The following COL21A1 variants were observed in gnomAD, a reference collection of about 807,000 sequenced individuals.
The protein encoded by COL21A1 is collagen alpha-1(XXI) chain.
Under a neutral mutation model 137.9 loss-of-function variants are expected in COL21A1, and 149 were observed. The observed-to-expected ratio is 1.08, with a 90% CI of 0.95 to 1.24. COL21A1 has a LOEUF of 1.24. Among genes scored for constraint, COL21A1 ranks in the 50% most tolerant of loss-of-function variants. COL21A1 has a pLI of 0.00. For missense variants in COL21A1, 1,167 were observed against 1,158.4 expected (o/e 1.01, Z -0.11); for synonymous variants, 456 against 391.5 (o/e 1.16, Z -1.95).
intron 1 of COL21A1, among the ~76,000 whole-genome samples, chr6:56,361,477 T>G (rs1765962780): frequency 3.9e-5 from 6 of 152,196 alleles, no homozygotes; most frequent in Admixed American, 3.9e-4. Context: ...TTTTTCATCC[T>G]TATAATCCAT....
At chr6:56,239,703 C>T (rs1782149013) in intron 1 of COL21A1, among the ~76,000 whole-genome samples, 1 of 152,118 alleles carries the variant, frequency 6.6e-6, no homozygotes, top group Non-Finnish European at 1.5e-5. Flanking sequence ...TTATTACTCA[C>T]CATTCACAGT....
chr6:56,146,558 AG>A (rs1774851359), intron 10 of COL21A1, among the ~76,000 whole-genome samples: 1 of 152,146 alleles, frequency 6.6e-6, no homozygotes, highest in African/African-American at 2.4e-5. Flanking sequence ...ACCTGAGCTA[AG>A]TGCTATGAAA....
intron 1 of COL21A1, among the ~76,000 whole-genome samples, chr6:56,386,149 A>G (rs1474492185): frequency 1.3e-5 from 2 of 152,088 alleles, no homozygotes; most frequent in African/African-American, 2.4e-5. Context: ...GAGTTTTACC[A>G]TGTTAGCCTG....
At chr6:56,364,990 C>T (rs1296185030) in intron 1 of COL21A1, among the ~76,000 whole-genome samples, 4 of 152,068 alleles carry the variant, frequency 2.6e-5, no homozygotes, top group Non-Finnish European at 4.4e-5. Flanking sequence ...CCCCAAGAGA[C>T]GACTCTGGGA....
At chr6:56,384,302 G>A (rs1365994778) in intron 1 of COL21A1, among the ~76,000 whole-genome samples, 1 of 152,124 alleles carries the variant, frequency 6.6e-6, no homozygotes, top group East Asian at 1.9e-4. Context: ...CAATTGCACA[G>A]GCCTTGACCA....
At chr6:56,380,501 T>A (rs2094007050) in intron 1 of COL21A1, among the ~76,000 whole-genome samples, 1 of 152,192 alleles carries the variant, frequency 6.6e-6, no homozygotes, top group African/African-American at 2.4e-5. Context: ...TTTGCAAATC[T>A]ACTCAATAAA....
At chr6:56,129,738 G>C (rs1421286353) in intron 12 of COL21A1, among the ~76,000 whole-genome samples, 1 of 150,292 alleles carries the variant, frequency 6.7e-6, no homozygotes, top group East Asian at 2.0e-4. Flanking sequence ...CAGACAGAAA[G>C]ATAGGTAGGG....
intron 17 of COL21A1, among the ~76,000 whole-genome samples, chr6:56,087,735 T>C (rs1315027229): frequency 6.6e-6 from 1 of 152,186 alleles, no homozygotes; most frequent in Non-Finnish European, 1.5e-5. Flanking sequence ...CTTTCCTGAC[T>C]TAAATCCTGG....
intron 24 of COL21A1, among the ~76,000 whole-genome samples, 160 bp from the exon 25 acceptor site, chr6:56,061,841 AAGGCT>A (rs1402163181): frequency 6.6e-6 from 1 of 152,108 alleles, no homozygotes; most frequent in African/African-American, 2.4e-5. Flanking sequence ...CCTTTTAGAG[AAGGCT>A]AATGACTAGG....
rs377522119 is a variant in COL21A1, at chr6:56,156,958, G to C, written c.1372-9C>G. ...GGCAGTCCAGGGTCACCCTAAGCAGGAAGCAAACAAACTTTTGAGTACAAA... is the reference window on the plus strand; with the variant it reads ...GGCAGTCCAGGGTCACCCTAAGCAGCAAGCAAACAAACTTTTGAGTACAAA... On this transcript the variant is annotated splice_polypyrimidine_tract_variant and intron_variant, in intron 9 of 29. Coordinates refer to ENST00000244728, the MANE Select transcript of COL21A1 (RefSeq NM_030820.4). 1.1e-5 allele frequency: 18 copies of C among 1,607,346 alleles called. 1 individual carries two copies. Among genetic ancestry groups the C allele is most frequent in the Middle Eastern group, 1.7e-4 (1 of 6,050 alleles).
chr6:56,196,164 C>T (rs1779011143), intron 1 of COL21A1, among the ~76,000 whole-genome samples: 1 of 152,096 alleles, frequency 6.6e-6, no homozygotes, highest in South Asian at 2.1e-4. Flanking sequence ...TGACAAAATT[C>T]TCCATCATTT....
intron 1 of COL21A1, among the ~76,000 whole-genome samples, chr6:56,389,093 T>C (rs1359823515): frequency 6.6e-6 from 1 of 152,184 alleles, no homozygotes; most frequent in Non-Finnish European, 1.5e-5. Context: ...CTGGGCGTGG[T>C]GGCTCATGCC....
intron 17 of COL21A1, among the ~76,000 whole-genome samples, chr6:56,090,271 A>C (rs1230350421): frequency 1.3e-5 from 2 of 152,204 alleles, no homozygotes; most frequent in Non-Finnish European, 2.9e-5. Flanking sequence ...ACACAAAAAA[A>C]TGATCAGTGC....
intron 6 of COL21A1, among the ~76,000 whole-genome samples, chr6:56,167,891 T>G (rs897898846): frequency 6.6e-6 from 1 of 152,168 alleles, no homozygotes; most frequent in Non-Finnish European, 1.5e-5. Flanking sequence ...AATTCTATCC[T>G]GAACCCAGGG....
chr6:56,179,096 A>G (rs1777703949), intron 3 of COL21A1, among the ~76,000 whole-genome samples: 1 of 152,202 alleles, frequency 6.6e-6, no homozygotes, highest in South Asian at 2.1e-4. Context: ...AGAGTATATC[A>G]TACAAAAATA....
chr6:56,178,205 G>A (rs971061559), intron 3 of COL21A1, among the ~76,000 whole-genome samples: 3 of 152,054 alleles, frequency 2.0e-5, no homozygotes, highest in Non-Finnish European at 2.9e-5. Flanking sequence ...TCTGTTTTAA[G>A]AATGAAATAT....
At chr6:56,131,947 T>C (rs1773584663) in intron 12 of COL21A1, among the ~76,000 whole-genome samples, 2 of 152,006 alleles carry the variant, frequency 1.3e-5, no homozygotes, top group African/African-American at 4.8e-5. Context: ...TTTAGACAAA[T>C]ATAGAAATAA....
chr6:56,309,840 A>G (rs1350100988), intron 1 of COL21A1, among the ~76,000 whole-genome samples: 1 of 152,200 alleles, frequency 6.6e-6, no homozygotes, highest in East Asian at 1.9e-4. Context: ...ATTGCCTAAC[A>G]TATATTATAG....
intron 1 of COL21A1, among the ~76,000 whole-genome samples, chr6:56,222,043 C>T (rs971824197): frequency 2.0e-5 from 3 of 151,936 alleles, no homozygotes; most frequent in Admixed American, 6.6e-5. Flanking sequence ...GAGGCCGAGG[C>T]GGATGGATTA....
Sources: allele counts gnomAD v4.1 joint callset (sites outside exome capture counted in the v4.1 genomes callset), GRCh38; gene constraint gnomAD v4.1.1; transcripts MANE v1.5; gene names NCBI Gene and HGNC (gene_info 2026-07-23, HGNC 2026-07-21).